The following NFATC2 variants were observed in gnomAD, a reference collection of about 807,000 sequenced individuals.
The protein encoded by NFATC2 is nuclear factor of activated T-cells, cytoplasmic 2.
NFATC2 carries 22 observed loss-of-function variants against 87.3 expected under a neutral mutation model. The observed-to-expected ratio is 0.25, with a 90% CI of 0.18 to 0.36. NFATC2 has a LOEUF of 0.36. Ranked by LOEUF, NFATC2 falls within the 10% of genes least tolerant of loss-of-function variation. The pLI is 1.00. For missense variants in NFATC2, 1,149 were observed against 1,259.1 expected (o/e 0.91, Z 1.32); for synonymous variants, 565 against 542.2 (o/e 1.04, Z -0.58).
chr20:51,539,477 CTTTT>C (rs1025966587), intron 1 of NFATC2, among the ~76,000 whole-genome samples: 4 of 152,044 alleles, frequency 2.6e-5, no homozygotes, highest in Non-Finnish European at 5.9e-5. Context: ...TGTCCCTTCT[CTTTT>C]TTTGTCTGGT....
intron 4 of NFATC2, among the ~76,000 whole-genome samples, chr20:51,475,214 C>T (rs1988605929): frequency 6.6e-6 from 1 of 152,144 alleles, no homozygotes; most frequent in South Asian, 2.1e-4. Flanking sequence ...AGTGATCCAC[C>T]CGCCTCAGCC....
chr20:51,436,919 C>T (rs1983665326), intron 6 of NFATC2, among the ~76,000 whole-genome samples: 1 of 152,130 alleles, frequency 6.6e-6, no homozygotes, highest in Non-Finnish European at 1.5e-5. Context: ...TGAGGGAAGC[C>T]AGTGACTTCA....
chr20:51,398,231 G>A (rs1987503954), intron 10 of NFATC2, among the ~76,000 whole-genome samples: 1 of 152,178 alleles, frequency 6.6e-6, no homozygotes, highest in South Asian at 2.1e-4. Context: ...TGGCTTCTTA[G>A]GTAGGTTTTC....
At chr20:51,434,388 G>A (rs1329465917) in intron 8 of NFATC2, among the ~76,000 whole-genome samples, 1 of 152,164 alleles carries the variant, frequency 6.6e-6, no homozygotes, top group Non-Finnish European at 1.5e-5. Context: ...AAGGTAGCTA[G>A]CAGGCGTTTC....
chr20:51,469,955 A>G (rs900353278), intron 5 of NFATC2, among the ~76,000 whole-genome samples: 16 of 152,250 alleles, frequency 1.1e-4, no homozygotes, highest in African/African-American at 3.1e-4. Context: ...GGAAACTAAC[A>G]TAAGAGGGAA....
intron 9 of NFATC2, 152 bp from the exon 10 acceptor site, chr20:51,398,882 G>T: frequency 3.2e-6 from 2 of 621,846 alleles, no homozygotes; most frequent in East Asian, 2.8e-5. Context: ...CAACATCTTA[G>T]CATTTGTGCC....
chr20:51,531,629 G>A (rs2076635234), intron 1 of NFATC2, among the ~76,000 whole-genome samples: 2 of 152,180 alleles, frequency 1.3e-5, no homozygotes, highest in Non-Finnish European at 1.5e-5. Flanking sequence ...GAGACTTGGG[G>A]AAACTCCATG....
intron 9 of NFATC2, among the ~76,000 whole-genome samples, chr20:51,415,230 A>G (rs1318017968): frequency 7.0e-6 from 1 of 142,588 alleles, no homozygotes; most frequent in Non-Finnish European, 1.5e-5. Context: ...TGAGTGACAG[A>G]GTAAGACCCT....
chr20:51,463,599 C>A (rs1987371573), intron 5 of NFATC2, among the ~76,000 whole-genome samples: 1 of 152,170 alleles, frequency 6.6e-6, no homozygotes, highest in African/African-American at 2.4e-5. Context: ...CACTGAGGAA[C>A]CCAGGCAGCC....
At chr20:51,537,887 C>T (rs931249242) in intron 1 of NFATC2, among the ~76,000 whole-genome samples, 10 of 152,098 alleles carry the variant, frequency 6.6e-5, no homozygotes, top group Non-Finnish European at 1.2e-4. Context: ...ACGTTTGAAA[C>T]CTAGACAGAT....
intron 1 of NFATC2, among the ~76,000 whole-genome samples, chr20:51,529,120 G>A (rs1009194594): frequency 7.9e-5 from 12 of 152,032 alleles, no homozygotes; most frequent in East Asian, 1.9e-4. Flanking sequence ...ACTGCCCTTC[G>A]AACCAGAAAA....
chr20:51,486,743 C>T (rs1340344101), intron 3 of NFATC2, among the ~76,000 whole-genome samples: 3 of 152,018 alleles, frequency 2.0e-5, no homozygotes, highest in East Asian at 3.9e-4. Context: ...CACATATTGC[C>T]GAGTGATTCA....
rs201329684 is a variant in NFATC2 at position 51,391,469 on chromosome 20, A to G, written c.*45-18T>C. 2.2e-3 allele frequency: 2,364 copies of G among 1,087,028 alleles called. 3 individuals carry two copies. Among genetic ancestry groups the G allele is most frequent in the Middle Eastern group, 3.7e-3 (13 of 3,496 alleles). 67.3% of individuals were successfully genotyped at this position (1,087,028 alleles called of 1,614,324 possible). A position where few individuals can be genotyped will look rare whatever the true frequency, so the allele number is the denominator to read the frequency against. ...TTCATTAACTACAAAAGAAAAGAGG[A>G]GGGGGGGGGAGAGAGAATGGGGCAA... On this transcript the variant is annotated intron_variant, in intron 10 of 10. Coordinates refer to ENST00000371564, the MANE Select transcript of NFATC2 (RefSeq NM_012340.5).
chr20:51,454,620 C>G lies in NFATC2; in HGVS notation c.1777G>C (p.Gly593Arg). The G allele has an allele frequency of 6.2e-7, 1 of 1,614,106 alleles. No homozygotes were observed. The highest frequency in any genetic ancestry group is 1.1e-5 in the South Asian group (1 of 91,086). The change falls in exon 6 of 11, where the codon GGC becomes CGC. Residue 593 changes from glycine to arginine, a missense_variant. By Grantham distance (125) the Gly-to-Arg change is moderately radical (BLOSUM62 -2). Transcript: ENST00000371564. ...TGCCCCGTGAGGATCATTTGCTGGC[C>G]GCCATAGACCAGGCAGCTGTCTGTG... ...QDTDSCLVYG[G>R]QQMILTGQNF... is the part of the protein sequence containing the mutation.
intron 9 of NFATC2, among the ~76,000 whole-genome samples, chr20:51,401,482 T>A (rs532358706): frequency 1.2e-4 from 18 of 152,374 alleles, no homozygotes; most frequent in Middle Eastern, 3.4e-3. Context: ...GATACCATTC[T>A]GTTTCCCTAC....
chr20:51,415,561 G>T (rs1197300386), intron 9 of NFATC2, among the ~76,000 whole-genome samples: 1 of 152,206 alleles, frequency 6.6e-6, no homozygotes, highest in African/African-American at 2.4e-5. Context: ...ACTGTGCAGG[G>T]CTGGGGACCA....
At chr20:51,417,954 C>T (rs1246490553) in intron 9 of NFATC2, among the ~76,000 whole-genome samples, 1 of 152,240 alleles carries the variant, frequency 6.6e-6, no homozygotes, top group Non-Finnish European at 1.5e-5. Flanking sequence ...CCGCGGGGCA[C>T]CGGGCAGTCC....
At chr20:51,547,602 G>A (rs564384093), upstream of NFATC2, among the ~76,000 whole-genome samples, 3 of 152,100 alleles carry the variant, frequency 2.0e-5, no homozygotes, top group South Asian at 2.1e-4. Context: ...ATCCAATGAC[G>A]ACCCAACATC....
chr20:51,413,636 T>C (rs1174739409), intron 9 of NFATC2, among the ~76,000 whole-genome samples: 1 of 152,124 alleles, frequency 6.6e-6, no homozygotes, highest in East Asian at 1.9e-4. Context: ...CACACGCCTA[T>C]AGTCCAGCTA....
Sources: gnomAD v4.1 joint callset for allele counts (sites outside exome capture counted in the v4.1 genomes callset) on GRCh38, gnomAD v4.1.1 for gene constraint, MANE v1.5 for transcripts, NCBI Gene and HGNC (gene_info 2026-07-23, HGNC 2026-07-21) for gene names.